Variants in FAT3 observed in about 807,000 individuals in gnomAD.
The protein encoded by FAT3 is FAT atypical cadherin 3, also known as protocadherin Fat 3.
A neutral mutation model predicts 310.2 loss-of-function variants in FAT3; 95 were observed. The observed-to-expected ratio is 0.31, with a 90% CI of 0.26 to 0.36. The LOEUF is 0.36. FAT3 is among the 10% of genes least tolerant of loss of function. The pLI, the probability that FAT3 is intolerant of heterozygous loss-of-function variation, is 1.00. For missense variants in FAT3, 5,408 were observed against 5,715.6 expected, an observed-to-expected ratio of 0.95 and a Z score of 1.74; for synonymous variants, 2,314 against 2,192.9, an observed-to-expected ratio of 1.06 and a Z score of -1.54.
chr11:92,420,703 C>T (rs560344037), intron 2 of FAT3, among the ~76,000 whole-genome samples: 1 of 152,256 alleles, frequency 6.6e-6, no homozygotes, highest in South Asian at 2.1e-4. Context: ...TCTTGCCTTT[C>T]CTTTTTTTAA....
intron 8 of FAT3, among the ~76,000 whole-genome samples, 161 bp from the exon 9 acceptor site, chr11:92,792,606 A>G (rs1319166642): frequency 6.6e-6 from 1 of 152,146 alleles, no homozygotes; most frequent in Non-Finnish European, 1.5e-5. Context: ...ATGTTTCCTC[A>G]CTTCATGATA....
At chr11:92,626,105 A>G (rs911780471) in intron 3 of FAT3, among the ~76,000 whole-genome samples, 6 of 152,310 alleles carry the variant, frequency 3.9e-5, no homozygotes, top group African/African-American at 1.4e-4. Flanking sequence ...AACGTGACCA[A>G]GTATTACTCT....
chr11:92,487,434 T>G (rs1952449038), intron 2 of FAT3, among the ~76,000 whole-genome samples: 1 of 152,220 alleles, frequency 6.6e-6, no homozygotes, highest in Non-Finnish European at 1.5e-5. Flanking sequence ...ACATATTGTC[T>G]GATCTAATCT....
chr11:92,763,380 C>T (rs1946212209), intron 5 of FAT3, among the ~76,000 whole-genome samples: 1 of 152,108 alleles, frequency 6.6e-6, no homozygotes, highest in Non-Finnish European at 1.5e-5. Context: ...CTGTTAGAAG[C>T]TCTGATGTGC....
intron 2 of FAT3, among the ~76,000 whole-genome samples, chr11:92,372,296 A>G (rs72970563): frequency 0.024 from 3,678 of 151,248 alleles, 57 homozygotes; most frequent in Non-Finnish European, 0.03. Context: ...TGTGGTAGGA[A>G]CAGAGAGTTC....
chr11:92,813,331 G>A (rs1400948699), intron 13 of FAT3, among the ~76,000 whole-genome samples: 2 of 152,062 alleles, frequency 1.3e-5, no homozygotes, highest in East Asian at 1.9e-4. Flanking sequence ...AATATATAGG[G>A]AATTCAAGTG....
intron 4 of FAT3, among the ~76,000 whole-genome samples, chr11:92,718,375 G>A (rs989787503): frequency 2.0e-5 from 3 of 152,110 alleles, no homozygotes; most frequent in Non-Finnish European, 2.9e-5. Flanking sequence ...TGGTGGGTGG[G>A]GGTAGGACTA....
At chr11:92,541,040 A>G (rs1019771042) in intron 3 of FAT3, among the ~76,000 whole-genome samples, 4 of 152,212 alleles carry the variant, frequency 2.6e-5, no homozygotes, top group African/African-American at 9.6e-5. Flanking sequence ...TTATGTTACA[A>G]GAAAATAAGA....
chr11:92,638,985 A>T (rs11020032), intron 3 of FAT3, among the ~76,000 whole-genome samples: 4,374 of 152,306 alleles, frequency 0.029, 225 homozygotes, highest in African/African-American at 0.099. Context: ...TACAAGCATA[A>T]TCAGCCCATT....
chr11:92,398,035 G>T (rs367939927), intron 2 of FAT3, among the ~76,000 whole-genome samples: 2 of 152,148 alleles, frequency 1.3e-5, no homozygotes, highest in East Asian at 1.9e-4. Flanking sequence ...TAAAATCAAG[G>T]TGTTGAGAGG....
intron 1 of FAT3, among the ~76,000 whole-genome samples, chr11:92,271,196 A>G (rs565584882): frequency 4.5e-4 from 69 of 152,218 alleles, no homozygotes; most frequent in Admixed American, 1.9e-3. Flanking sequence ...CATGAAGACC[A>G]GTGTGACATG....
At chr11:92,879,984 C>G (rs551061010) in intron 22 of FAT3, among the ~76,000 whole-genome samples, 16 of 151,828 alleles carry the variant, frequency 1.1e-4, no homozygotes, top group African/African-American at 3.9e-4. Context: ...GAAGAAAGAA[C>G]ACCCTTACTA....
At chr11:92,351,168 T>C (rs1381841839) in intron 1 of FAT3, among the ~76,000 whole-genome samples, 1 of 152,166 alleles carries the variant, frequency 6.6e-6, no homozygotes, top group East Asian at 1.9e-4. Context: ...ACCTCCCTTG[T>C]TCTGAATAGT....
chr11:92,853,561 G>C (rs750519804), intron 19 of FAT3, among the ~76,000 whole-genome samples: 19 of 152,152 alleles, frequency 1.2e-4, no homozygotes, highest in Non-Finnish European at 2.4e-4. Flanking sequence ...CCTGTGTCCA[G>C]GAAGAATGAA....
chr11:92,670,135 T>C (rs571776466), intron 3 of FAT3, among the ~76,000 whole-genome samples: 3 of 152,212 alleles, frequency 2.0e-5, no homozygotes, highest in Non-Finnish European at 4.4e-5. Context: ...AATTTTTTCT[T>C]TTTGCTGCTG....
Position 92,832,094 on chromosome 11 carries a change from G to A in FAT3, c.9871+83G>A, listed in dbSNP as rs1948276819. ...ACCTGTAAACCTAGCACTTTGGGAG[G>A]CTGAGGCAAGAAGATCGAGTGAGTC... On this transcript the variant is annotated intron_variant, in intron 14 of 27. Coordinates refer to ENST00000525166, the MANE Select transcript of FAT3 (RefSeq NM_001367949.2). 1.8e-5 allele frequency: 26 copies of A among 1,416,544 alleles called. No individual in the cohort carries two copies. In the South Asian group the frequency reaches 3.8e-4, roughly 21 times the overall value. 87.7% of individuals were successfully genotyped at this position (1,416,544 alleles called of 1,614,324 possible).
intron 4 of FAT3, among the ~76,000 whole-genome samples, chr11:92,750,234 G>T (rs1181684348): frequency 1.3e-5 from 2 of 152,156 alleles, no homozygotes; most frequent in African/African-American, 4.8e-5. Context: ...ACTCTTTTGA[G>T]CTCTGTCTTC....
At chr11:92,411,044 A>G (rs1044036452) in intron 2 of FAT3, among the ~76,000 whole-genome samples, 2 of 145,578 alleles carry the variant, frequency 1.4e-5, no homozygotes, top group African/African-American at 2.5e-5. Context: ...GGTAAAATGT[A>G]TATAATATAT....
In FAT3 at chr11:92,676,485, G is replaced by A. The variant is rs1591596256; in HGVS notation, c.3608-20899G>A. 1.3e-5 allele frequency among the ~76,000 whole-genome samples: 2 copies of A among 152,302 alleles called. 1 individual carries two copies. The highest frequency in any genetic ancestry group is 3.9e-4 in the East Asian group (2 of 5,180). The stretch of plus-strand genomic sequence containing the variant: ...CTAAGCCCCTCATGATTGTCACTCA[G>A]AGGTAAGAAATGGCAGGTCTTATAT... On this transcript the variant is annotated intron_variant, in intron 3 of 27. Coordinates refer to ENST00000525166, the MANE Select transcript of FAT3 (RefSeq NM_001367949.2).
Sources: gnomAD v4.1 joint callset for allele counts (sites outside exome capture counted in the v4.1 genomes callset) on GRCh38, gnomAD v4.1.1 for gene constraint, MANE v1.5 for transcripts, NCBI Gene and HGNC (gene_info 2026-07-23, HGNC 2026-07-21) for gene names.